The following HHAT variants were observed in gnomAD, a reference collection of about 807,000 sequenced individuals.
HHAT encodes the protein protein-cysteine N-palmitoyltransferase HHAT.
A neutral mutation model predicts 70.8 loss-of-function variants in HHAT; 47 were observed. The observed-to-expected ratio is 0.66, with a 90% CI of 0.53 to 0.85. The LOEUF (loss-of-function observed/expected upper bound fraction) is 0.85. Ranked by LOEUF, HHAT falls within the 40% of genes least tolerant of loss-of-function variation. HHAT has a pLI of 0.00. For missense variants in HHAT, 609 were observed against 604.8 expected (o/e 1.01, Z -0.07); for synonymous variants, 228 against 247.6 (o/e 0.92, Z 0.74).
At chr1:210,665,695 C>A (rs1326673431) in intron 11 of HHAT, among the ~76,000 whole-genome samples, 1 of 152,188 alleles carries the variant, frequency 6.6e-6, no homozygotes, top group Non-Finnish European at 1.5e-5. Flanking sequence ...AGACATCATT[C>A]AGACTGTTTT....
At chr1:210,656,653 G>A (rs1246439393) in intron 11 of HHAT, among the ~76,000 whole-genome samples, 1 of 152,192 alleles carries the variant, frequency 6.6e-6, no homozygotes, top group Non-Finnish European at 1.5e-5. Context: ...GTTTCCACGT[G>A]GGTTTGATGG....
At chr1:210,515,110 G>T (rs920547289) in intron 9 of HHAT, among the ~76,000 whole-genome samples, 3 of 152,170 alleles carry the variant, frequency 2.0e-5, no homozygotes, top group African/African-American at 7.2e-5. Context: ...GGAGGGTAAG[G>T]CTTCTCTCTA....
At chr1:210,626,531 C>T (rs1237461016) in intron 11 of HHAT, among the ~76,000 whole-genome samples, 1 of 152,156 alleles carries the variant, frequency 6.6e-6, no homozygotes, top group Non-Finnish European at 1.5e-5. Flanking sequence ...TCCCATGGGC[C>T]TCCTGAGTCA....
At chr1:210,542,402 T>A (rs2095439088) in intron 9 of HHAT, among the ~76,000 whole-genome samples, 1 of 152,182 alleles carries the variant, frequency 6.6e-6, no homozygotes, top group Non-Finnish European at 1.5e-5. Flanking sequence ...AATGCCTTAG[T>A]TTCTTTTCCT....
At chr1:210,639,827 C>G (rs934454195) in intron 11 of HHAT, among the ~76,000 whole-genome samples, 2 of 152,120 alleles carry the variant, frequency 1.3e-5, no homozygotes, top group Admixed American at 1.3e-4. Flanking sequence ...ACAGTTGTTT[C>G]CTAACTTTAT....
chr1:210,604,866 A>T (rs899188684), intron 10 of HHAT, among the ~76,000 whole-genome samples: 1 of 152,132 alleles, frequency 6.6e-6, no homozygotes, highest in Non-Finnish European at 1.5e-5. Flanking sequence ...AACAAATAAA[A>T]ATCAGCCTGT....
At chr1:210,576,325 T>C (rs1394142925) in intron 9 of HHAT, among the ~76,000 whole-genome samples, 1 of 152,056 alleles carries the variant, frequency 6.6e-6, no homozygotes, top group Non-Finnish European at 1.5e-5. Context: ...CATATTAATG[T>C]GTACAATTTG....
At chr1:210,590,591 CA>C (rs1412506959) in intron 10 of HHAT, 1 of 138,090 alleles carries the variant, frequency 7.2e-6, no homozygotes, top group East Asian at 2.1e-4. Context: ...TGTCCTAGCT[CA>C]AAGACAGTCA....
At chr1:210,418,029 C>A in intron 6 of HHAT, 125 bp from the exon 7 acceptor site, 4 of 913,700 alleles carry the variant, frequency 4.4e-6, no homozygotes, top group Non-Finnish European at 5.3e-6. Flanking sequence ...CCAAGACAAA[C>A]CAAACCAACC....
chr1:210,506,286 G>A (rs780167985), intron 8 of HHAT, among the ~76,000 whole-genome samples: 4 of 152,096 alleles, frequency 2.6e-5, no homozygotes, highest in Non-Finnish European at 5.9e-5. Flanking sequence ...TCAGACAGGA[G>A]CTGCTGCTGT....
At chr1:210,565,038 G>C (rs1654328963) in intron 9 of HHAT, among the ~76,000 whole-genome samples, 1 of 152,218 alleles carries the variant, frequency 6.6e-6, no homozygotes, top group Non-Finnish European at 1.5e-5. Context: ...GAACCAGTCA[G>C]ATAAGTTGGA....
intron 6 of HHAT, among the ~76,000 whole-genome samples, chr1:210,409,581 C>G (rs1034841361): frequency 6.6e-6 from 1 of 152,068 alleles, no homozygotes; most frequent in African/African-American, 2.4e-5. Flanking sequence ...CACAAGGCCT[C>G]CTAGACCCAA....
rs201935760 is a variant in HHAT, at chr1:210,489,009, AG to A, written c.1008-24143del. 7.4e-3 allele frequency among the ~76,000 whole-genome samples: 1,126 copies of A among 152,360 alleles called. 17 individuals carry two copies. The highest frequency in any genetic ancestry group is 0.026 in the African/African-American group (1,077 of 41,576). On this transcript the variant is annotated intron_variant, in intron 8 of 11. Coordinates refer to ENST00000261458, the MANE Select transcript of HHAT (RefSeq NM_018194.6). ...GAGAAAGGAACTTTCCATACTAAAA[AG>A]TGGATAACAGAAGCAATGCTTTGCT...
At chr1:210,636,042 A>G (rs953596858) in intron 11 of HHAT, among the ~76,000 whole-genome samples, 3 of 152,208 alleles carry the variant, frequency 2.0e-5, no homozygotes, top group African/African-American at 7.2e-5. Flanking sequence ...TCTATGTTTG[A>G]TACTTTAAAT....
At chr1:210,329,266 C>T in intron 1 of HHAT, 162 bp downstream of exon 1, 4 of 1,224,428 alleles carry the variant, frequency 3.3e-6, no homozygotes, top group Non-Finnish European at 4.1e-6. Context: ...CCCGGTCGGG[C>T]GAAGAAGACA....
At chr1:210,340,289 A>G (rs2085927463) in intron 1 of HHAT, among the ~76,000 whole-genome samples, 2 of 144,162 alleles carry the variant, frequency 1.4e-5, no homozygotes, top group South Asian at 2.3e-4. Flanking sequence ...GGGTTTGGAG[A>G]GAATTGTGAT....
At chr1:210,423,231 G>T (rs2092957728) in intron 7 of HHAT, among the ~76,000 whole-genome samples, 1 of 152,118 alleles carries the variant, frequency 6.6e-6, no homozygotes, top group Non-Finnish European at 1.5e-5. Context: ...ATCACCATTT[G>T]TTATTTTTTT....
At chr1:210,637,878 G>A (rs112334890) in intron 11 of HHAT, among the ~76,000 whole-genome samples, 2 of 124,232 alleles carry the variant, frequency 1.6e-5, no homozygotes, top group Non-Finnish European at 1.8e-5. Flanking sequence ...AAAAGGGGGG[G>A]GCAAAGGACC....
chr1:210,486,348 G>C (rs911222273), intron 8 of HHAT, among the ~76,000 whole-genome samples: 1 of 152,152 alleles, frequency 6.6e-6, no homozygotes, highest in Non-Finnish European at 1.5e-5. Context: ...TTAAGCGAAT[G>C]CTTACCCATA....
Sources: allele counts gnomAD v4.1 joint callset (sites outside exome capture counted in the v4.1 genomes callset), GRCh38; gene constraint gnomAD v4.1.1; transcripts MANE v1.5; gene names NCBI Gene and HGNC (gene_info 2026-07-23, HGNC 2026-07-21).